The following L3MBTL4 variants were observed in gnomAD, a reference collection of about 807,000 sequenced individuals.
The protein encoded by L3MBTL4 is L3MBTL histone methyl-lysine binding protein 4, also known as lethal(3)malignant brain tumor-like protein 4.
In L3MBTL4, 70 loss-of-function variants were observed where a neutral mutation model predicts 84.5. The ratio of observed to expected loss-of-function variants is 0.83; its 90% CI spans 0.68 to 1.01. The LOEUF is 1.01. L3MBTL4 is among the 50% of genes least tolerant of loss of function. The probability of loss-of-function intolerance (pLI) is 0.00; values close to 1 mark genes in which losing one functional copy is unlikely to be tolerated. For synonymous variants in L3MBTL4, 274 were observed against 259.8 expected (o/e 1.05, Z -0.52); for missense variants, 715 against 754.8 (o/e 0.95, Z 0.62).
In L3MBTL4 at chr18:6,237,324, T is replaced by TAA. The variant is rs10683089; in HGVS notation, c.784+639_784+640insTT. The stretch of plus-strand genomic sequence containing the variant: ...TAATCATAGCATTCAATTAATGAAT[T>TAA]GTTATTAGATAAATTATGTAAGTAG... On this transcript the variant is annotated intron_variant, in intron 10 of 18. Transcript: ENST00000317931. Among the ~76,000 whole-genome samples the TAA allele has an allele frequency of 8.3e-3, 1,266 of 152,214 alleles. 21 individuals are homozygous for TAA. The highest frequency in any genetic ancestry group is 0.029 in the African/African-American group (1,202 of 41,538).
rs186560008 is a variant in L3MBTL4, at chr18:6,320,982, G to A, written c.-90-8926C>T. The stretch of plus-strand genomic sequence containing the variant: ...AGGATACAAAAACATAACTGGGGAA[G>A]GGCCACCCTATTTAATAAATGGTGC... On this transcript the variant is annotated intron_variant, in intron 1 of 18. Coordinates refer to ENST00000317931, the MANE Select transcript of L3MBTL4 (RefSeq NM_001330559.2). Among the ~76,000 whole-genome samples the A allele has an allele frequency of 2.0e-3, 301 of 152,032 alleles. 1 individual carries two copies. Among genetic ancestry groups the A allele is most frequent in the Non-Finnish European group, 2.4e-3 (165 of 67,874 alleles).
At chr18:6,099,754 T>C (rs909657732) in intron 14 of L3MBTL4, among the ~76,000 whole-genome samples, 1 of 150,996 alleles carries the variant, frequency 6.6e-6, no homozygotes, top group African/African-American at 2.4e-5. Context: ...TAATTGTCAC[T>C]TTATGTACTC....
chr18:6,251,236 C>G (rs556168059), intron 5 of L3MBTL4, among the ~76,000 whole-genome samples: 2 of 152,262 alleles, frequency 1.3e-5, no homozygotes, highest in East Asian at 3.9e-4. Flanking sequence ...GTCAGCTCTG[C>G]CTTTGATGAA....
chr18:6,331,936 G>C (rs1482986868), intron 1 of L3MBTL4, among the ~76,000 whole-genome samples: 1 of 151,298 alleles, frequency 6.6e-6, no homozygotes, highest in African/African-American at 2.4e-5. Context: ...GATTTACAAG[G>C]CGAGATTAAA....
At chr18:6,276,409 C>G (rs1213482763) in intron 4 of L3MBTL4, among the ~76,000 whole-genome samples, 2 of 152,106 alleles carry the variant, frequency 1.3e-5, no homozygotes, top group African/African-American at 2.4e-5. Flanking sequence ...GACAATGACT[C>G]AAATAAGGAT....
At chr18:6,024,533 C>T (rs2055416411) in intron 16 of L3MBTL4, among the ~76,000 whole-genome samples, 1 of 152,200 alleles carries the variant, frequency 6.6e-6, no homozygotes, top group Non-Finnish European at 1.5e-5. Context: ...ATTATAGTCA[C>T]TAAAGCCCAC....
At position 6,060,259 on chromosome 18, in the gene L3MBTL4, A is replaced by G. The variant is rs776154247; in HGVS notation, c.1444+20622T>C. On this transcript the variant is annotated intron_variant, in intron 16 of 18. Coordinates refer to ENST00000317931, the MANE Select transcript of L3MBTL4 (RefSeq NM_001330559.2). ...TTCCCTTAGAATGATCTTTCAGTCC[A>G]CTGCAAATAATTCCTTTCCTCTCCC... Among the ~76,000 whole-genome samples the G allele has an allele frequency of 5.8e-4, 89 of 152,234 alleles. 1 individual carries two copies. Among genetic ancestry groups the G allele is most frequent in the Non-Finnish European group, 1.1e-3 (73 of 68,012 alleles).
At chr18:6,247,466 ATTTTTTTTTTTTTTTTT>A (rs71163266) in intron 5 of L3MBTL4, among the ~76,000 whole-genome samples, 3 of 49,638 alleles carry the variant, frequency 6.0e-5, no homozygotes, top group African/African-American at 2.1e-4. Context: ...CCCTCCTCTG[ATTTTTTTTTTTTTTTTT>A]TTTTTTTTTT....
chr18:6,095,986 T>G (rs1313581237), intron 14 of L3MBTL4, among the ~76,000 whole-genome samples: 1 of 152,228 alleles, frequency 6.6e-6, no homozygotes, highest in East Asian at 1.9e-4. Context: ...GAGTTTTCAT[T>G]AAGATACTAT....
intron 12 of L3MBTL4, among the ~76,000 whole-genome samples, chr18:6,210,290 G>A (rs1048020423): frequency 1.4e-4 from 22 of 152,222 alleles, no homozygotes; most frequent in Non-Finnish European, 3.1e-4. Flanking sequence ...AGGTAGGACA[G>A]ACAATGTGGG....
At chr18:5,997,970 C>G (rs2054052874) in intron 16 of L3MBTL4, among the ~76,000 whole-genome samples, 1 of 152,154 alleles carries the variant, frequency 6.6e-6, no homozygotes, top group Admixed American at 6.5e-5. Context: ...ATAAGAGCCA[C>G]AGAGATTTTT....
intron 10 of L3MBTL4, among the ~76,000 whole-genome samples, chr18:6,233,910 C>G (rs2047102637): frequency 6.6e-6 from 1 of 152,160 alleles, no homozygotes; most frequent in Non-Finnish European, 1.5e-5. Flanking sequence ...TACCTGACTT[C>G]AAACTATACT....
intron 14 of L3MBTL4, among the ~76,000 whole-genome samples, chr18:6,103,039 A>G (rs182773453): frequency 6.4e-4 from 97 of 152,360 alleles, no homozygotes; most frequent in Admixed American, 1.0e-3. Context: ...GGAATGTAAT[A>G]GCGTGCTATG....
intron 1 of L3MBTL4, among the ~76,000 whole-genome samples, chr18:6,312,557 AAGTGG>A (rs2146955275): frequency 6.6e-6 from 1 of 152,084 alleles, no homozygotes; most frequent in East Asian, 1.9e-4. Flanking sequence ...GCCAAGGGGC[AAGTGG>A]AGGCTGAAAT....
intron 14 of L3MBTL4, among the ~76,000 whole-genome samples, chr18:6,126,446 A>G (rs1267003204): frequency 6.6e-6 from 1 of 152,238 alleles, no homozygotes; most frequent in African/African-American, 2.4e-5. Context: ...TCACACAGAA[A>G]TAAACCAAAG....
chr18:6,012,937 TCTC>T (rs1158562693), intron 16 of L3MBTL4, among the ~76,000 whole-genome samples: 2 of 152,092 alleles, frequency 1.3e-5, no homozygotes, highest in Non-Finnish European at 1.5e-5. Context: ...TCTCCTCTCT[TCTC>T]CTTTCTGCTT....
chr18:6,236,942 T>C (rs1338748038), intron 10 of L3MBTL4, among the ~76,000 whole-genome samples: 1 of 152,202 alleles, frequency 6.6e-6, no homozygotes, highest in Non-Finnish European at 1.5e-5. Flanking sequence ...ATTTGTTCCA[T>C]TCTGGAATGG....
intron 16 of L3MBTL4, chr18:6,029,836 G>A (rs2055696293): frequency 2.0e-6 from 2 of 985,232 alleles, no homozygotes; most frequent in East Asian, 1.1e-4. Flanking sequence ...CTGAGGAAAT[G>A]CCGAAAAGGA....
chr18:6,303,698 G>A (rs1330646558), intron 3 of L3MBTL4, among the ~76,000 whole-genome samples: 4 of 152,068 alleles, frequency 2.6e-5, no homozygotes, highest in Non-Finnish European at 5.9e-5. Context: ...TGAGTCCTAG[G>A]CAAATGAGGA....
Sources: gnomAD v4.1 joint callset for allele counts (sites outside exome capture counted in the v4.1 genomes callset) on GRCh38, gnomAD v4.1.1 for gene constraint, MANE v1.5 for transcripts, NCBI Gene and HGNC (gene_info 2026-07-23, HGNC 2026-07-21) for gene names.